Variants in RABGAP1L observed in about 807,000 individuals in gnomAD.
RABGAP1L encodes the protein rab GTPase-activating protein 1-like.
In RABGAP1L, 63 loss-of-function variants were observed where a neutral mutation model predicts 137.7. The ratio of observed to expected loss-of-function variants is 0.46; its 90% CI spans 0.37 to 0.56. RABGAP1L has a LOEUF of 0.56. Among genes scored for constraint, RABGAP1L ranks in the 20% least tolerant of loss-of-function variants. The pLI, the probability that RABGAP1L is intolerant of heterozygous loss-of-function variation, is 0.00. For missense variants in RABGAP1L, 1,095 were observed against 1,244.0 expected, an observed-to-expected ratio of 0.88 and a Z score of 1.80; for synonymous variants, 431 against 433.7, an observed-to-expected ratio of 0.99 and a Z score of 0.08.
intron 10 of RABGAP1L, among the ~76,000 whole-genome samples, chr1:174,301,695 C>G (rs1220403813): frequency 2.0e-5 from 3 of 152,056 alleles, no homozygotes; most frequent in Non-Finnish European, 2.9e-5. Flanking sequence ...GGCCTCTCTC[C>G]CATTGTGGCT....
At chr1:174,438,595 G>GT (rs1653711741) in intron 13 of RABGAP1L, among the ~76,000 whole-genome samples, 1 of 151,268 alleles carries the variant, frequency 6.6e-6, no homozygotes, top group Non-Finnish European at 1.5e-5. Context: ...GTGGGCACCT[G>GT]TAATCCCAGC....
At chr1:174,973,979 G>GTTTTTTTTTTTTTTTTTT (rs58500594) in intron 21 of RABGAP1L, among the ~76,000 whole-genome samples, 2 of 85,788 alleles carry the variant, frequency 2.3e-5, no homozygotes, top group African/African-American at 3.5e-5. Context: ...ATTGTTTTTT[G>GTTTTTTTTTTTTTTTTTT]TTTTTTTTTT....
chr1:174,728,521 G>A (rs962238362), intron 17 of RABGAP1L, among the ~76,000 whole-genome samples: 1 of 151,290 alleles, frequency 6.6e-6, no homozygotes, highest in African/African-American at 2.4e-5. Context: ...TGGAAGAATC[G>A]GTATCATTAA....
At chr1:174,932,206 A>G (rs1352185674) in intron 19 of RABGAP1L, among the ~76,000 whole-genome samples, 1 of 150,986 alleles carries the variant, frequency 6.6e-6, no homozygotes, top group African/African-American at 2.4e-5. Flanking sequence ...CCTTTTCTCT[A>G]AGGTTTTCAA....
Position 174,573,580 on chromosome 1 carries a change from T to C in RABGAP1L, c.1711-63795T>C, listed in dbSNP as rs927515058. Among the ~76,000 whole-genome samples, 3 of 152,162 alleles carry C rather than the reference T, an allele frequency of 2.0e-5. No individual in the cohort carries two copies. In the East Asian group the frequency reaches 5.8e-4, roughly 29 times the overall value. ...GGCACTGGGATTTTTCTTTTGAAAATCTTATCCTTGAGAGATTTGATCTAT... is the reference window on the plus strand; with the variant it reads ...GGCACTGGGATTTTTCTTTTGAAAACCTTATCCTTGAGAGATTTGATCTAT... On this transcript the variant is annotated intron_variant, in intron 13 of 25. Coordinates refer to ENST00000681986, the MANE Select transcript of RABGAP1L (RefSeq NM_001366446.1).
intron 10 of RABGAP1L, among the ~76,000 whole-genome samples, chr1:174,291,783 C>A (rs528829195): frequency 6.6e-6 from 1 of 151,790 alleles, no homozygotes; most frequent in Non-Finnish European, 1.5e-5. Flanking sequence ...GTAGGATCTT[C>A]CTTTATTCCT....
intron 13 of RABGAP1L, among the ~76,000 whole-genome samples, chr1:174,476,112 A>G (rs1057118977): frequency 2.0e-5 from 3 of 152,150 alleles, no homozygotes; most frequent in African/African-American, 7.2e-5. Context: ...TGCATTCATG[A>G]TACTTTATAA....
chr1:174,443,970 C>T (rs1166715092), intron 13 of RABGAP1L, among the ~76,000 whole-genome samples: 1 of 151,808 alleles, frequency 6.6e-6, no homozygotes. Flanking sequence ...TGGTGCCTTT[C>T]CTGAATTTAG....
chr1:174,571,859 C>T (rs1295958444), intron 13 of RABGAP1L, among the ~76,000 whole-genome samples: 2 of 152,184 alleles, frequency 1.3e-5, no homozygotes, highest in Non-Finnish European at 2.9e-5. Flanking sequence ...TGCTTCAACA[C>T]GGTGGCTCCA....
intron 18 of RABGAP1L, chr1:174,799,982 TCA>T (rs1688602570): frequency 9.7e-7 from 1 of 1,031,698 alleles, no homozygotes. Flanking sequence ...ACACACACTC[TCA>T]CACATTCTCA....
intron 11 of RABGAP1L, among the ~76,000 whole-genome samples, chr1:174,352,795 G>C (rs1327986045): frequency 6.6e-6 from 1 of 152,218 alleles, no homozygotes; most frequent in Non-Finnish European, 1.5e-5. Context: ...ATCTGCGTTA[G>C]AGGGCACCCC....
At chr1:174,439,758 TTTTATGTGC>T (rs1653909419) in intron 13 of RABGAP1L, among the ~76,000 whole-genome samples, 1 of 152,188 alleles carries the variant, frequency 6.6e-6, no homozygotes, top group Non-Finnish European at 1.5e-5. Flanking sequence ...CTTTTAGCTA[TTTTATGTGC>T]TTTATATTAA....
chr1:174,425,255 T>C (rs1645795963), intron 13 of RABGAP1L, among the ~76,000 whole-genome samples: 1 of 152,030 alleles, frequency 6.6e-6, no homozygotes, highest in African/African-American at 2.4e-5. Flanking sequence ...ATTTATAATA[T>C]CTGCACATCT....
intron 19 of RABGAP1L, chr1:174,877,329 G>T: frequency 7.4e-7 from 1 of 1,346,788 alleles, no homozygotes. Flanking sequence ...GATAGCAGCC[G>T]CTTTTTTTTT....
chr1:174,300,547 A>AT (rs2148753987), intron 10 of RABGAP1L, among the ~76,000 whole-genome samples: 1 of 151,646 alleles, frequency 6.6e-6, no homozygotes, highest in Admixed American at 6.6e-5. Flanking sequence ...AAAAAAAAAA[A>AT]AGTGAGGTGC....
intron 1 of RABGAP1L, among the ~76,000 whole-genome samples, chr1:174,215,500 A>G (rs1669232119): frequency 6.6e-6 from 1 of 152,060 alleles, no homozygotes; most frequent in South Asian, 2.1e-4. Context: ...CTAATTTAAA[A>G]ATGGACAATA....
rs775676946 is a variant in RABGAP1L at position 174,547,966 on chromosome 1, T to C, written c.1711-89409T>C. 4.5e-6 allele frequency: 7 copies of C among 1,550,426 alleles called. No homozygotes were observed. The Admixed American group carries it at 7.8e-5, about 17-fold the overall frequency. The stretch of plus-strand genomic sequence containing the variant: ...CATTAGACTTGATGTTCTGATTACT[T>C]ATACTTTTTGTTTTAGTTCCTTTCC... On this transcript the variant is annotated intron_variant, in intron 13 of 25. Transcript: ENST00000681986.
chr1:174,410,223 A>C (rs949054855), intron 13 of RABGAP1L, among the ~76,000 whole-genome samples: 3 of 152,158 alleles, frequency 2.0e-5, no homozygotes, highest in African/African-American at 7.2e-5. Flanking sequence ...ACTGGCCGAC[A>C]CTTAGGGAAA....
In RABGAP1L at chr1:174,892,728, C is replaced by CTT. The variant is rs201231625; in HGVS notation, c.2341-64727_2341-64726dup. 2.3e-3 allele frequency: 909 copies of CTT among 394,250 alleles called. 10 individuals carry two copies. Among genetic ancestry groups the CTT allele is most frequent in the Admixed American group, 3.5e-3 (113 of 32,320 alleles). The allele number at this position is 394,250 out of a possible 1,614,324, so 24.4% of individuals were successfully genotyped here. On this transcript the variant is annotated intron_variant, in intron 19 of 25. Coordinates refer to ENST00000681986, the MANE Select transcript of RABGAP1L (RefSeq NM_001366446.1). ...TCAGGCTACCTCATTTCTTTGTTTT[C>CTT]TTTCTTTTTTTTTTTTTTGTGATGG...
Sources: allele counts gnomAD v4.1 joint callset (sites outside exome capture counted in the v4.1 genomes callset), GRCh38; gene constraint gnomAD v4.1.1; transcripts MANE v1.5; gene names NCBI Gene and HGNC (gene_info 2026-07-23, HGNC 2026-07-21).